The following GNA14 variants were observed in gnomAD, a reference collection of about 807,000 sequenced individuals.
The protein encoded by GNA14 is guanine nucleotide-binding protein subunit alpha-14.
GNA14 carries 50 observed loss-of-function variants against 42.0 expected under a neutral mutation model. The observed-to-expected ratio is 1.19, with a 90% CI of 0.95 to 1.51. The LOEUF (loss-of-function observed/expected upper bound fraction) is 1.51. Among genes scored for constraint, GNA14 ranks in the 40% most tolerant of loss-of-function variants. GNA14 has a pLI of 0.00. For synonymous variants in GNA14, 173 were observed against 163.1 expected (o/e 1.06, Z -0.46); for missense variants, 473 against 446.2 (o/e 1.06, Z -0.54).
chr9:77,627,798 C>A (rs1824036400), intron 1 of GNA14, among the ~76,000 whole-genome samples: 1 of 152,132 alleles, frequency 6.6e-6, no homozygotes, highest in Non-Finnish European at 1.5e-5. Flanking sequence ...ACTGAATGGG[C>A]AAAAGCTGGA....
At chr9:77,458,371 A>G (rs1836043817) in intron 2 of GNA14, among the ~76,000 whole-genome samples, 1 of 152,176 alleles carries the variant, frequency 6.6e-6, no homozygotes, top group Non-Finnish European at 1.5e-5. Flanking sequence ...CTGTCTGGGT[A>G]GCAGTGTGGC....
chr9:77,482,121 G>C (rs555087698), intron 2 of GNA14, among the ~76,000 whole-genome samples: 8 of 152,292 alleles, frequency 5.3e-5, no homozygotes, highest in Admixed American at 5.2e-4. Context: ...TTGCTCATTA[G>C]TTGATGCAGT....
intron 2 of GNA14, among the ~76,000 whole-genome samples, chr9:77,508,577 G>T (rs1411496861): frequency 2.0e-5 from 3 of 152,208 alleles, no homozygotes; most frequent in Non-Finnish European, 4.4e-5. Flanking sequence ...GTATATATGT[G>T]TGCGTGAGTG....
chr9:77,507,403 T>C (rs1338520261), intron 2 of GNA14, among the ~76,000 whole-genome samples: 3 of 152,216 alleles, frequency 2.0e-5, no homozygotes, highest in Non-Finnish European at 4.4e-5. Flanking sequence ...CAGGAAAACC[T>C]TTTAAAAATA....
intron 2 of GNA14, among the ~76,000 whole-genome samples, chr9:77,502,754 G>A (rs1210058605): frequency 6.6e-6 from 1 of 152,204 alleles, no homozygotes; most frequent in East Asian, 1.9e-4. Flanking sequence ...GGTTGGGTGA[G>A]AGTGGGAGGC....
At chr9:77,529,345 T>A in intron 1 of GNA14, 92 bp from the exon 2 acceptor site, 1 of 954,608 alleles carries the variant, frequency 1.0e-6, no homozygotes, top group Non-Finnish European at 1.7e-6. Context: ...TTAATCCACA[T>A]CCCAATTAAT....
chr9:77,634,426 A>AC (rs1824147355), intron 1 of GNA14, among the ~76,000 whole-genome samples: 1 of 151,038 alleles, frequency 6.6e-6, no homozygotes, highest in Non-Finnish European at 1.5e-5. Flanking sequence ...AGAAAAAAAA[A>AC]AAAAAAAAGG....
chr9:77,483,244 C>G (rs1428155669), intron 2 of GNA14, among the ~76,000 whole-genome samples: 1 of 152,082 alleles, frequency 6.6e-6, no homozygotes, highest in Non-Finnish European at 1.5e-5. Flanking sequence ...TGTGGATGTC[C>G]TTTCTGTTTG....
rs1836091852 is a variant in GNA14 at position 77,460,830 on chromosome 9, G to T, written c.310-26308C>A. Reference sequence around the variant, plus strand: ...CACAGGCTGTGGGGCGTGGATGGAAGAGCAGGGGCCAGGTCCAGTGTCGTT... The same window carrying T: ...CACAGGCTGTGGGGCGTGGATGGAATAGCAGGGGCCAGGTCCAGTGTCGTT... On this transcript the variant is annotated intron_variant, in intron 2 of 6. Coordinates refer to ENST00000341700, the MANE Select transcript of GNA14 (RefSeq NM_004297.4). Among the ~76,000 whole-genome samples, 7 of 152,196 alleles carry T rather than the reference G, an allele frequency of 4.6e-5. No homozygotes were observed. In the South Asian group the frequency reaches 1.5e-3, roughly 32 times the overall value.
chr9:77,533,163 T>G (rs1837553000), intron 1 of GNA14, among the ~76,000 whole-genome samples: 1 of 152,198 alleles, frequency 6.6e-6, no homozygotes, highest in African/African-American at 2.4e-5. Context: ...ATAAGTACTT[T>G]TAAACTTTCA....
chr9:77,449,500 T>C (rs1835871815), intron 2 of GNA14, among the ~76,000 whole-genome samples: 1 of 152,220 alleles, frequency 6.6e-6, no homozygotes, highest in Non-Finnish European at 1.5e-5. Flanking sequence ...TCGTATTGTT[T>C]GTTTTTACAA....
At chr9:77,642,582 A>G (rs1413104938) in intron 1 of GNA14, among the ~76,000 whole-genome samples, 1 of 152,060 alleles carries the variant, frequency 6.6e-6, no homozygotes, top group African/African-American at 2.4e-5. Flanking sequence ...CCTGGCCAAC[A>G]TGGTGAAACC....
chr9:77,621,994 T>C (rs1025834214), intron 1 of GNA14, among the ~76,000 whole-genome samples: 3 of 152,172 alleles, frequency 2.0e-5, no homozygotes, highest in Non-Finnish European at 4.4e-5. Context: ...GGCATGATCA[T>C]AGCTCACCGC....
chr9:77,529,888 C>T (rs1051699002), intron 1 of GNA14, among the ~76,000 whole-genome samples: 6 of 152,048 alleles, frequency 3.9e-5, no homozygotes, highest in African/African-American at 1.4e-4. Context: ...AAAATGACAT[C>T]AAAACTCTAC....
chr9:77,479,945 T>A (rs1836512294), intron 2 of GNA14, among the ~76,000 whole-genome samples: 1 of 152,162 alleles, frequency 6.6e-6, no homozygotes, highest in African/African-American at 2.4e-5. Flanking sequence ...TTAAGGAGAT[T>A]TTGGGCTGAA....
chr9:77,517,603 T>TTTTTTTTTA (rs1837279637), intron 2 of GNA14: 1 of 90,002 alleles, frequency 1.1e-5, no homozygotes, highest in African/African-American at 4.5e-5. Flanking sequence ...TTTTTTTTTT[T>TTTTTTTTTA]TTTTTTTTTT....
intron 2 of GNA14, among the ~76,000 whole-genome samples, chr9:77,498,001 A>C (rs1194738471): frequency 6.6e-6 from 1 of 152,202 alleles, no homozygotes; most frequent in African/African-American, 2.4e-5. Context: ...GGTCAAATCC[A>C]GGCACTGCCA....
chr9:77,523,558 T>C (rs1269873181), intron 2 of GNA14, among the ~76,000 whole-genome samples: 1 of 152,156 alleles, frequency 6.6e-6, no homozygotes, highest in Non-Finnish European at 1.5e-5. Flanking sequence ...AACATGAGAT[T>C]TGGGCACAGG....
intron 2 of GNA14, among the ~76,000 whole-genome samples, chr9:77,458,615 C>T (rs1836048947): frequency 6.6e-6 from 1 of 152,078 alleles, no homozygotes. Context: ...GGATGCCCCA[C>T]GTATTTGAAG....
Sources: allele counts gnomAD v4.1 joint callset (sites outside exome capture counted in the v4.1 genomes callset), GRCh38; gene constraint gnomAD v4.1.1; transcripts MANE v1.5; gene names NCBI Gene and HGNC (gene_info 2026-07-23, HGNC 2026-07-21).